The following RGS5 variants were observed in gnomAD, a reference collection of about 807,000 sequenced individuals.
RGS5 encodes regulator of G-protein signalling 5.
A neutral mutation model predicts 18.9 loss-of-function variants in RGS5; 20 were observed. The ratio of observed to expected loss-of-function variants is 1.06; its 90% CI spans 0.74 to 1.54. RGS5 has a LOEUF of 1.54. RGS5 is among the 40% of genes most tolerant of loss of function. RGS5 has a pLI of 0.00. For synonymous variants in RGS5, 57 were observed against 76.2 expected (o/e 0.75, Z 1.31); for missense variants, 201 against 211.8 (o/e 0.95, Z 0.32).
intron 2 of RGS5, among the ~76,000 whole-genome samples, chr1:163,290,678 T>G (rs977673201): frequency 6.6e-6 from 1 of 151,946 alleles, no homozygotes; most frequent in Non-Finnish European, 1.5e-5. Flanking sequence ...AAATGAATAT[T>G]TCAAAGATCT....
intron 2 of RGS5, among the ~76,000 whole-genome samples, chr1:163,285,667 G>A (rs1387002940): frequency 1.3e-5 from 2 of 152,122 alleles, no homozygotes; most frequent in Non-Finnish European, 2.9e-5. Context: ...GTTGGAGGAG[G>A]GGCCTGGTGG....
chr1:163,257,017 A>G (rs1419534431), intron 2 of RGS5, among the ~76,000 whole-genome samples: 1 of 152,128 alleles, frequency 6.6e-6, no homozygotes, highest in African/African-American at 2.4e-5. Flanking sequence ...TCACTTTCCC[A>G]TTTACTCAGC....
chr1:163,150,311 T>C (rs1468925087), intron 4 of RGS5, among the ~76,000 whole-genome samples: 3 of 152,218 alleles, frequency 2.0e-5, no homozygotes. Context: ...ATGTCTCATA[T>C]TTTCATAATA....
intron 2 of RGS5, among the ~76,000 whole-genome samples, chr1:163,281,383 G>T (rs1247387296): frequency 1.3e-5 from 2 of 152,186 alleles, no homozygotes; most frequent in Non-Finnish European, 2.9e-5. Flanking sequence ...TGCTTCTGGT[G>T]AGAGCCTCAG....
chr1:163,222,933 C>T (rs1029419526), intron 2 of RGS5, among the ~76,000 whole-genome samples: 10 of 152,222 alleles, frequency 6.6e-5, no homozygotes, highest in South Asian at 2.1e-4. Flanking sequence ...GATCTTGACT[C>T]ACTGCAACCT....
upstream of RGS5, among the ~76,000 whole-genome samples, chr1:163,219,401 A>C (rs1289716415): frequency 6.6e-6 from 1 of 152,108 alleles, no homozygotes; most frequent in East Asian, 1.9e-4. Context: ...ACTAATCCAT[A>C]CTTTTGCATC....
At chr1:163,288,280 G>A (rs1456924239) in intron 2 of RGS5, among the ~76,000 whole-genome samples, 4 of 152,106 alleles carry the variant, frequency 2.6e-5, no homozygotes, top group African/African-American at 9.7e-5. Context: ...ATGGACTTCA[G>A]GTAGTTGGGA....
intron 2 of RGS5, among the ~76,000 whole-genome samples, chr1:163,280,796 G>C (rs1386563118): frequency 2.6e-5 from 4 of 152,122 alleles, no homozygotes; most frequent in Non-Finnish European, 5.9e-5. Context: ...AACTGAAAAA[G>C]AGCCTGAATA....
chr1:163,163,177 T>G (rs986565320), intron 2 of RGS5, among the ~76,000 whole-genome samples: 19 of 152,078 alleles, frequency 1.2e-4, no homozygotes, highest in Admixed American at 5.2e-4. Flanking sequence ...CGGCAGTAGG[T>G]TTTGGGCTAA....
chr1:163,320,901 T>G (rs1393225785), intron 1 of RGS5, among the ~76,000 whole-genome samples: 1 of 152,184 alleles, frequency 6.6e-6, no homozygotes, highest in African/African-American at 2.4e-5. Flanking sequence ...TTTCACATAA[T>G]TCAGTTCAGG....
At chr1:163,165,714 T>C (rs1246480798) in intron 2 of RGS5, among the ~76,000 whole-genome samples, 2 of 152,172 alleles carry the variant, frequency 1.3e-5, no homozygotes, top group Non-Finnish European at 2.9e-5. Context: ...GAGACCAGCC[T>C]GACCAACATG....
At position 163,262,081 on chromosome 1, in the gene RGS5, A is replaced by G. The variant is rs1248290786; in HGVS notation, c.-281+44152T>C. ...GGAGGCAGTAGTCAAATGGGCTGACATGGTTAGTACTGGAATTGAGAAGCC... is the reference window on the plus strand; with the variant it reads ...GGAGGCAGTAGTCAAATGGGCTGACGTGGTTAGTACTGGAATTGAGAAGCC... On this transcript the variant is annotated intron_variant, in intron 2 of 5. Coordinates refer to the RGS5 transcript ENST00000618415. 2.6e-5 allele frequency among the ~76,000 whole-genome samples: 4 copies of G among 151,176 alleles called. No homozygotes were observed. The East Asian group carries it at 7.8e-4, about 30-fold the overall frequency.
At chr1:163,258,448 T>C (rs1261972899) in intron 2 of RGS5, among the ~76,000 whole-genome samples, 1 of 152,186 alleles carries the variant, frequency 6.6e-6, no homozygotes, top group Non-Finnish European at 1.5e-5. Context: ...AAACTGGTAT[T>C]GTACACAGAG....
At chr1:163,202,734 C>T in intron 1 of RGS5, 58 bp downstream of exon 1, 1 of 1,535,338 alleles carries the variant, frequency 6.5e-7, no homozygotes, top group Non-Finnish European at 9.0e-7. Flanking sequence ...GGGCAGCCTC[C>T]CTTGAGTAAA....
At chr1:163,197,007 A>T (rs1220012100) in intron 1 of RGS5, among the ~76,000 whole-genome samples, 1 of 152,158 alleles carries the variant, frequency 6.6e-6, no homozygotes, top group East Asian at 1.9e-4. Context: ...CCTTTTAGTA[A>T]TAAAATCATT....
chr1:163,199,456 T>C (rs1193018735), intron 1 of RGS5, among the ~76,000 whole-genome samples: 1 of 152,202 alleles, frequency 6.6e-6, no homozygotes, highest in Non-Finnish European at 1.5e-5. Context: ...CATGGAAAAG[T>C]TAATCTTTGT....
chr1:163,287,915 T>C (rs978905784), intron 2 of RGS5, among the ~76,000 whole-genome samples: 8 of 152,350 alleles, frequency 5.3e-5, no homozygotes, highest in Non-Finnish European at 1.2e-4. Context: ...TGCTACAATT[T>C]AGTTGTAATT....
intron 2 of RGS5, chr1:163,237,358 A>G (rs544924909): frequency 1.3e-5 from 2 of 153,726 alleles, no homozygotes; most frequent in East Asian, 3.9e-4. Context: ...TGAGTTTGAC[A>G]ATTTACTTGT....
upstream of RGS5, among the ~76,000 whole-genome samples, chr1:163,222,596 A>G (rs1043123135): frequency 4.4e-4 from 67 of 152,312 alleles, no homozygotes; most frequent in African/African-American, 1.5e-3. Flanking sequence ...ATCTTATTAA[A>G]TAGCGACAGG....
Sources: gnomAD v4.1 joint callset for allele counts (sites outside exome capture counted in the v4.1 genomes callset) on GRCh38, gnomAD v4.1.1 for gene constraint, MANE v1.5 for transcripts, NCBI Gene and HGNC (gene_info 2026-07-23, HGNC 2026-07-21) for gene names.